The following GUCY2F variants were observed in gnomAD, a reference collection of about 807,000 sequenced individuals.
The protein encoded by GUCY2F is retinal guanylyl cyclase 2.
In GUCY2F, 61 loss-of-function variants were observed where a neutral mutation model predicts 73.1. The observed-to-expected ratio is 0.83, with a 90% CI of 0.68 to 1.03. The LOEUF is 1.03. Ranked by LOEUF, GUCY2F falls within the 50% of genes least tolerant of loss-of-function variation. GUCY2F has a pLI of 0.00. For synonymous variants in GUCY2F, 331 were observed against 307.8 expected, an observed-to-expected ratio of 1.08 and a Z score of -0.79; for missense variants, 912 against 854.3, an observed-to-expected ratio of 1.07 and a Z score of -0.84.
At position 109,476,041 on chromosome X, in the gene GUCY2F, G is replaced by A. The variant is rs1932688199; in HGVS notation, c.-85-20C>T. 1.5e-6 allele frequency: 1 copy of A among 678,547 alleles called. No individual in the cohort carries two copies. The allele number at this position is 678,547 out of a possible 1,213,427, so 55.9% of individuals were successfully genotyped here. The stretch of plus-strand genomic sequence containing the variant: ...AAATGCCTGTCAATCAGAGGAAAAG[G>A]TTTGTTACTCACATTATTTCTGAAG... On this transcript the variant is annotated intron_variant, in intron 1 of 19. Transcript: ENST00000218006.
chrX:109,436,994 CA>C (rs375357624), intron 7 of GUCY2F, among the ~76,000 whole-genome samples: 183 of 95,638 alleles, frequency 1.9e-3, no homozygotes, highest in Middle Eastern at 5.2e-3. Flanking sequence ...GAAATAACAG[CA>C]AAAAAAAAAA....
chrX:109,425,316 C>T (rs202212914), intron 8 of GUCY2F, among the ~76,000 whole-genome samples: 3 of 106,455 alleles, frequency 2.8e-5, no homozygotes, highest in African/African-American at 6.9e-5. Context: ...CATCAATCAA[C>T]GAGTGGATAA....
intron 1 of GUCY2F, 77 bp from the exon 2 acceptor site, chrX:109,476,098 C>CAAAA (rs35170259): frequency 6.7e-5 from 19 of 281,529 alleles, no homozygotes; most frequent in African/African-American, 1.3e-4. Flanking sequence ...GAAAGAATGG[C>CAAAA]AAAAAAAAAA....
chrX:109,374,395 C>G (rs1033628919), intron 19 of GUCY2F, among the ~76,000 whole-genome samples: 2 of 111,740 alleles, frequency 1.8e-5, no homozygotes, highest in Admixed American at 1.9e-4. Context: ...GGCCCTCTGT[C>G]AAGGGGTTCC....
intron 10 of GUCY2F, among the ~76,000 whole-genome samples, chrX:109,403,869 C>A (rs188565558): frequency 8.9e-6 from 1 of 112,588 alleles, no homozygotes; most frequent in Admixed American, 9.4e-5. Flanking sequence ...CCCACATAAA[C>A]CACAGAGCAT....
intron 10 of GUCY2F, among the ~76,000 whole-genome samples, chrX:109,403,094 C>T (rs950577518): frequency 8.9e-6 from 1 of 111,873 alleles, no homozygotes. Flanking sequence ...GTCACTATCT[C>T]TCTTCTTTAT....
intron 15 of GUCY2F, among the ~76,000 whole-genome samples, chrX:109,386,770 T>C (rs2147251999): frequency 8.9e-6 from 1 of 111,951 alleles, no homozygotes; most frequent in East Asian, 2.8e-4. Flanking sequence ...GGCTGTCTGA[T>C]TGACAACCAT....
chrX:109,373,776 CA>C (rs1930112509), intron 19 of GUCY2F, among the ~76,000 whole-genome samples: 1 of 112,922 alleles, frequency 8.9e-6, no homozygotes, highest in South Asian at 3.6e-4. Flanking sequence ...GGGGGCTTGT[CA>C]GCCCAAAATT....
rs190595906 is a variant in GUCY2F at position 109,399,231 on chromosome X, T to G, written c.2126-533A>C. ...TTCCTTCAACTCAGTTCTGCAAATA[T>G]TTATTGATGGTCTACTATGTACCAT... On this transcript the variant is annotated intron_variant, in intron 10 of 19. Transcript: ENST00000218006. 6.2e-5 allele frequency among the ~76,000 whole-genome samples: 7 copies of G among 112,906 alleles called. No homozygotes were observed. In the East Asian group the frequency reaches 1.7e-3, roughly 27 times the overall value.
Position 109,475,554 on chromosome X carries a change from T to G in GUCY2F, c.383A>C (p.Asn128Thr). The G allele has an allele frequency of 1.7e-6, 2 of 1,210,749 alleles. No individual in the cohort carries two copies. The highest frequency in any genetic ancestry group is 2.2e-6 in the Non-Finnish European group (2 of 894,929). ...QMASGFIGPT[N>T]PGYCEAASLL... ...CGAGGCTGCCTCGCAGTAGCCAGGG[T>G]TGGTAGGTCCAATAAATCCTGAGGC... is the stretch of plus-strand genomic sequence containing the variant. Residue 128 changes from asparagine to threonine, a missense_variant, in exon 2 of 20, where the codon AAC becomes ACC. By Grantham distance (65) the Asn-to-Thr change is moderately conservative. Coordinates refer to ENST00000218006, the MANE Select transcript of GUCY2F (RefSeq NM_001522.3).
chrX:109,403,482 C>T (rs996978152), intron 10 of GUCY2F, among the ~76,000 whole-genome samples: 6 of 111,630 alleles, frequency 5.4e-5, no homozygotes, highest in African/African-American at 2.0e-4. Context: ...AAGCCAGATA[C>T]CGAAATGACC....
intron 4 of GUCY2F, 27 bp downstream of exon 4, chrX:109,453,478 G>T (rs1932180714): frequency 9.9e-7 from 1 of 1,006,768 alleles, no homozygotes; most frequent in Non-Finnish European, 1.4e-6. Flanking sequence ...GAGCCAAATT[G>T]ACTACTAGTG....
At chrX:109,388,867 C>G (rs1393907021) in intron 14 of GUCY2F, among the ~76,000 whole-genome samples, 1 of 111,185 alleles carries the variant, frequency 9.0e-6, no homozygotes, top group Non-Finnish European at 1.9e-5. Flanking sequence ...GGCCCCACAC[C>G]AAGAGATTCT....
At position 109,412,894 on chromosome X, in the gene GUCY2F, G is replaced by A. The variant is rs145508789; in HGVS notation, c.1792-3726C>T. Among the ~76,000 whole-genome samples the A allele has an allele frequency of 4.4e-3, 487 of 111,767 alleles. 4 individuals carry two copies. The highest frequency in any genetic ancestry group is 7.8e-3 in the Non-Finnish European group (414 of 53,105). The stretch of plus-strand genomic sequence containing the variant: ...TATGGGTGAATGCAGATGATGACAC[G>A]GCCCTAAGACATAGCAGAGCCATGA... On this transcript the variant is annotated intron_variant, in intron 8 of 19. Transcript: ENST00000218006.
At chrX:109,415,140 G>T (rs1203495381) in intron 8 of GUCY2F, among the ~76,000 whole-genome samples, 1 of 110,197 alleles carries the variant, frequency 9.1e-6, no homozygotes, top group African/African-American at 3.3e-5. Flanking sequence ...TGCAAAAAAA[G>T]AATCTAAAAC....
At chrX:109,450,376 G>A (rs1483993829) in intron 5 of GUCY2F, among the ~76,000 whole-genome samples, 1 of 111,207 alleles carries the variant, frequency 9.0e-6, no homozygotes, top group African/African-American at 3.3e-5. Context: ...AGTCCATACA[G>A]TGGGAAAGAC....
At chrX:109,397,249 A>C (rs1930731895) in intron 11 of GUCY2F, among the ~76,000 whole-genome samples, 1 of 110,672 alleles carries the variant, frequency 9.0e-6, no homozygotes, top group African/African-American at 3.3e-5. Flanking sequence ...GGATATAGAG[A>C]GTGACAGAAG....
chrX:109,404,519 C>A (rs546684609), intron 9 of GUCY2F, 35 bp from the exon 10 acceptor site: 6 of 1,043,639 alleles, frequency 5.7e-6, no homozygotes, highest in Non-Finnish European at 6.6e-6. Flanking sequence ...TTTAGCAACT[C>A]ATTTAACTAT....
rs774877851 is a variant in GUCY2F, at chrX:109,476,842, C to T, written c.-85-821G>A. 3.8e-5 allele frequency among the ~76,000 whole-genome samples: 4 copies of T among 106,632 alleles called. No individual in the cohort carries two copies. The South Asian group carries it at 1.2e-3, about 33-fold the overall frequency. The allele number at this position is 106,632 out of a possible 115,157, so 92.6% of individuals were successfully genotyped here. On this transcript the variant is annotated intron_variant, in intron 1 of 19. Coordinates refer to ENST00000218006, the MANE Select transcript of GUCY2F (RefSeq NM_001522.3). ...ATATATATGTGTATATATATATGTG[C>T]GTGTATATATGTATGTGTGTGTGTG... is the stretch of plus-strand genomic sequence containing the variant.
Sources: allele counts gnomAD v4.1 joint callset (sites outside exome capture counted in the v4.1 genomes callset), GRCh38; gene constraint gnomAD v4.1.1; transcripts MANE v1.5; gene names NCBI Gene and HGNC (gene_info 2026-07-23, HGNC 2026-07-21).